The following PSORS1C1 variants were observed in gnomAD, a reference collection of about 807,000 sequenced individuals.
PSORS1C1 encodes the protein psoriasis susceptibility 1 candidate 1, also known as psoriasis susceptibility 1 candidate gene 1 protein.
In PSORS1C1, 7 loss-of-function variants were observed where a neutral mutation model predicts 9.4. The observed-to-expected ratio is 0.75, with a 90% CI of 0.42 to 1.40. The LOEUF (loss-of-function observed/expected upper bound fraction) is 1.40, where lower values mean the gene tolerates loss of function less well. Among genes scored for constraint, PSORS1C1 ranks in the 40% most tolerant of loss-of-function variants. The pLI is 0.01. For synonymous variants in PSORS1C1, 63 were observed against 69.4 expected, an observed-to-expected ratio of 0.91 and a Z score of 0.46; for missense variants, 146 against 178.1, an observed-to-expected ratio of 0.82 and a Z score of 1.02.
chr6:31,135,763 G>A (rs1407213905), intron 3 of PSORS1C1, among the ~76,000 whole-genome samples: 5 of 152,148 alleles, frequency 3.3e-5, no homozygotes, highest in South Asian at 2.1e-4. Context: ...TTGGTCAGGC[G>A]CGGTGGCTCG....
At chr6:31,119,457 G>A (rs996597043) in intron 1 of PSORS1C1, among the ~76,000 whole-genome samples, 1 of 152,206 alleles carries the variant, frequency 6.6e-6, no homozygotes, top group African/African-American at 2.4e-5. Flanking sequence ...AGGTCCAGGG[G>A]TTGCCCGGCC....
chr6:31,127,706 C>T (rs1018390170), intron 2 of PSORS1C1, among the ~76,000 whole-genome samples: 14 of 151,690 alleles, frequency 9.2e-5, no homozygotes, highest in African/African-American at 3.4e-4. Flanking sequence ...CCCAGCTACC[C>T]GGGAGGCTGA....
In PSORS1C1 at chr6:31,117,646, G is replaced by A. The variant is rs559559500; in HGVS notation, c.-229+2755G>A. ...TTCTCCCAAGCAGAGCGCAGGGAGA[G>A]TTTAGGGATGGAGAAAGGAGGAAGA... On this transcript the variant is annotated intron_variant, in intron 1 of 5. Coordinates refer to ENST00000259881, the MANE Select transcript of PSORS1C1 (RefSeq NM_014068.3). 2.0e-5 allele frequency: 17 copies of A among 838,080 alleles called. No homozygotes were observed. In the African/African-American group the frequency reaches 2.4e-4, roughly 12 times the overall value. The allele number at this position is 838,080 out of a possible 1,614,324, so 51.9% of individuals were successfully genotyped here. A position where few individuals can be genotyped will look rare whatever the true frequency, so the allele number is the denominator to read the frequency against.
chr6:31,130,463 G>A (rs1001340329), intron 3 of PSORS1C1, among the ~76,000 whole-genome samples: 35 of 151,528 alleles, frequency 2.3e-4, no homozygotes, highest in African/African-American at 7.8e-4. Flanking sequence ...CCAGGCTGGA[G>A]TGCAGTGGTG....
At chr6:31,117,168 T>G (rs36043365) in intron 1 of PSORS1C1, 33 of 950,752 alleles carry the variant, frequency 3.5e-5, no homozygotes, top group East Asian at 3.4e-4. Context: ...AGCTGCTGCT[T>G]CCCGAGTGAG....
intron 1 of PSORS1C1, chr6:31,116,690 GA>G: frequency 6.2e-7 from 1 of 1,612,720 alleles, no homozygotes; most frequent in African/African-American, 1.3e-5. Context: ...GTCATGCCTG[GA>G]ACCAGATAAC....
chr6:31,115,783 A>C lies in PSORS1C1; in HGVS notation c.-229+892A>C. 2 of 552,036 alleles carry C rather than the reference A, an allele frequency of 3.6e-6. No individual in the cohort carries two copies. Among genetic ancestry groups the C allele is most frequent in the Non-Finnish European group, 6.4e-6 (2 of 310,322 alleles). 34.2% of individuals were successfully genotyped at this position (552,036 alleles called of 1,614,324 possible). Reference sequence around the variant, plus strand: ...TGAGGGGCACTGTGGTGGAATGGGAATTTAAACAGTAGGAGAGAATCAAGA... The same window carrying C: ...TGAGGGGCACTGTGGTGGAATGGGACTTTAAACAGTAGGAGAGAATCAAGA... On this transcript the variant is annotated intron_variant, in intron 1 of 5. Transcript: ENST00000259881. The surrounding 1 kb of genome is among the most constrained non-coding windows in gnomAD (Gnocchi z 4.2).
intron 1 of PSORS1C1, chr6:31,117,109 T>C (rs960031486): frequency 6.2e-7 from 1 of 1,614,150 alleles, no homozygotes; most frequent in African/African-American, 1.3e-5. Context: ...ATTCCCTACT[T>C]GGAAGCTGCT....
In PSORS1C1 at chr6:31,120,905, A is replaced by T. The variant is rs527527364; in HGVS notation, c.-228-4771A>T. 3.0e-3 allele frequency among the ~76,000 whole-genome samples: 174 copies of T among 57,538 alleles called. 3 individuals are homozygous for T. The Middle Eastern group carries it at 0.054, about 18-fold the overall frequency. 37.7% of individuals were successfully genotyped at this position (57,538 alleles called of 152,430 possible). The stretch of plus-strand genomic sequence containing the variant: ...CTCCAGCCCCACCCACCCAACCCCA[A>T]TGAGGTCCCATTCACAGCCCCTGAT... On this transcript the variant is annotated intron_variant, in intron 1 of 5. Coordinates refer to ENST00000259881, the MANE Select transcript of PSORS1C1 (RefSeq NM_014068.3).
chr6:31,135,799 G>A (rs1581866743), intron 3 of PSORS1C1, among the ~76,000 whole-genome samples: 2 of 152,320 alleles, frequency 1.3e-5, no homozygotes, highest in South Asian at 2.1e-4. Context: ...CACTTTGGGA[G>A]GCCAAGATGG....
At chr6:31,123,557 G>A (rs1042478387) in intron 1 of PSORS1C1, among the ~76,000 whole-genome samples, 4 of 152,198 alleles carry the variant, frequency 2.6e-5, no homozygotes, top group Non-Finnish European at 5.9e-5. Context: ...GCCCGTGCCC[G>A]TGCATTGGAC....
chr6:31,133,303 G>A (rs1773001386), intron 3 of PSORS1C1, among the ~76,000 whole-genome samples: 1 of 152,276 alleles, frequency 6.6e-6, no homozygotes, highest in South Asian at 2.1e-4. Context: ...GTGCGGGAAG[G>A]AGTGGTGTAG....
chr6:31,116,565 G>A, intron 1 of PSORS1C1: 4 of 1,613,986 alleles, frequency 2.5e-6, no homozygotes, highest in Non-Finnish European at 3.4e-6. Flanking sequence ...TGCTGGAGAA[G>A]TATTTGCCCT....
At chr6:31,131,242 T>A (rs1241931684) in intron 3 of PSORS1C1, among the ~76,000 whole-genome samples, 1 of 152,138 alleles carries the variant, frequency 6.6e-6, no homozygotes, top group African/African-American at 2.4e-5. Context: ...AAACACACAT[T>A]AAGTGTGCAT....
chr6:31,120,478 C>G, intron 1 of PSORS1C1: 2 of 1,362,446 alleles, frequency 1.5e-6, no homozygotes, highest in Non-Finnish European at 2.0e-6. Context: ...TCCTTTATGC[C>G]AGAGCTGGAC....
intron 1 of PSORS1C1, among the ~76,000 whole-genome samples, chr6:31,121,071 T>TG (rs1395397616): frequency 2.0e-5 from 3 of 147,290 alleles, no homozygotes; most frequent in African/African-American, 7.4e-5. Flanking sequence ...TTCCATCACC[T>TG]GGGGAACTTT....
chr6:31,129,664 T>C lies in PSORS1C1; in HGVS notation c.13+19T>C, dbSNP rs749428285. 2 of 779,848 alleles carry C rather than the reference T, an allele frequency of 2.6e-6. No homozygotes were observed. The highest frequency in any genetic ancestry group is 4.8e-6 in the Non-Finnish European group (2 of 418,070). 48.3% of individuals were successfully genotyped at this position (779,848 alleles called of 1,614,324 possible). A position where few individuals can be genotyped will look rare whatever the true frequency, so the allele number is the denominator to read the frequency against. Reference sequence around the variant, plus strand: ...TGCACAGGTGAGTTACCTCTCTCAGTGTTGGTTCCTCTTCTGTGAAATGGG... The same window carrying C: ...TGCACAGGTGAGTTACCTCTCTCAGCGTTGGTTCCTCTTCTGTGAAATGGG... On this transcript the variant is annotated intron_variant, in intron 3 of 5. Coordinates refer to ENST00000259881, the MANE Select transcript of PSORS1C1 (RefSeq NM_014068.3).
chr6:31,138,932 T>C, intron 5 of PSORS1C1, 153 bp downstream of exon 5: 1 of 1,609,942 alleles, frequency 6.2e-7, no homozygotes, highest in African/African-American at 1.3e-5. Flanking sequence ...GTATCCCTCA[T>C]CACCCCAAAC....
chr6:31,132,163 C>T (rs1383543427), intron 3 of PSORS1C1, among the ~76,000 whole-genome samples: 1 of 152,142 alleles, frequency 6.6e-6, no homozygotes, highest in Non-Finnish European at 1.5e-5. Context: ...CGCTTGGGTC[C>T]AGGCTTCAGT....
Sources: gnomAD v4.1 joint callset for allele counts (sites outside exome capture counted in the v4.1 genomes callset) on GRCh38, gnomAD v4.1.1 for gene constraint, Gnocchi (gnomAD v3.1) non-coding constraint, MANE v1.5 for transcripts, NCBI Gene and HGNC (gene_info 2026-07-23, HGNC 2026-07-21) for gene names.